Variants in FREM1 observed in about 807,000 individuals in gnomAD.
FREM1 encodes FRAS1-related extracellular matrix protein 1.
FREM1 carries 220 observed loss-of-function variants against 210.1 expected under a neutral mutation model. The ratio of observed to expected loss-of-function variants is 1.05; its 90% confidence interval spans 0.94 to 1.17. FREM1 has a LOEUF of 1.17. FREM1 is among the 50% of genes most tolerant of loss of function. The probability of loss-of-function intolerance (pLI) is 0.00; values close to 1 mark genes in which losing one functional copy is unlikely to be tolerated. For synonymous variants in FREM1, 1,189 were observed against 980.2 expected (o/e 1.21, Z -3.98); for missense variants, 3,454 against 2,675.5 (o/e 1.29, Z -6.42).
Position 14,746,951 on chromosome 9 carries a change from G to T in FREM1, c.6110C>A (p.Ala2037Asp). ...GGTTTGGGGACTCCAGGCTTTCCAG[G>T]CGATCCCATTGCACTGATACAGCTT... ...IQKLYQCNGIAWKAWSPQTKD... is the reference protein window; with the variant it reads ...IQKLYQCNGIDWKAWSPQTKD... The change falls in exon 34 of 37, where the codon GCC becomes GAC. Residue 2037 changes from alanine to aspartate, a missense_variant. By Grantham distance (126) the Ala-to-Asp change is moderately radical (BLOSUM62 -2). Coordinates refer to ENST00000380880, the MANE Select transcript of FREM1 (RefSeq NM_001379081.2). 1 of 1,613,246 alleles carries T rather than the reference G, an allele frequency of 6.2e-7. No homozygotes were observed. The highest frequency in any genetic ancestry group is 8.5e-7 in the Non-Finnish European group (1 of 1,179,706).
chr9:14,891,529 C>G (rs1255561215), intron 1 of FREM1, among the ~76,000 whole-genome samples: 1 of 152,118 alleles, frequency 6.6e-6, no homozygotes, highest in African/African-American at 2.4e-5. Context: ...GAGCTCAAGG[C>G]CAGTCTGGGC....
chr9:14,798,142 T>C (rs1156377842), intron 20 of FREM1, among the ~76,000 whole-genome samples: 1 of 152,180 alleles, frequency 6.6e-6, no homozygotes, highest in Non-Finnish European at 1.5e-5. Flanking sequence ...GCCTAACATT[T>C]CACATTTTCA....
intron 9 of FREM1, 86 bp from the exon 10 acceptor site, chr9:14,841,675 C>G (rs559194271): frequency 9.4e-7 from 1 of 1,064,530 alleles, no homozygotes; most frequent in South Asian, 2.4e-5. Flanking sequence ...CTTCAAAAGT[C>G]TTATCTGTCT....
Position 14,857,552 on chromosome 9 carries a change from C to T in FREM1, c.828+1G>A, listed in dbSNP as rs745459062. 1.9e-6 allele frequency: 3 copies of T among 1,612,242 alleles called. No individual in the cohort carries two copies. The highest frequency in any genetic ancestry group is 2.5e-6 in the Non-Finnish European group (3 of 1,179,068). On this transcript the variant is annotated splice_donor_variant, in intron 5 of 36. Coordinates refer to ENST00000380880, the MANE Select transcript of FREM1 (RefSeq NM_001379081.2). LOFTEE classifies it high-confidence loss of function. ...CACCCACACATAACCCCAAACTCTA[C>T]CTTGTACACAATTTTGCTCCTGGTA...
At chr9:14,907,609 G>T (rs1032174848) in intron 1 of FREM1, among the ~76,000 whole-genome samples, 2 of 152,194 alleles carry the variant, frequency 1.3e-5, no homozygotes, top group Non-Finnish European at 2.9e-5. Flanking sequence ...GGAGTTACGG[G>T]ATCCCATTGT....
intron 7 of FREM1, among the ~76,000 whole-genome samples, chr9:14,847,509 G>A (rs559747011): frequency 1.3e-5 from 2 of 151,928 alleles, no homozygotes; most frequent in Admixed American, 6.6e-5. Context: ...CTCTGTGACT[G>A]GCAATAAGGG....
chr9:14,784,932 G>A (rs563122144), intron 23 of FREM1, among the ~76,000 whole-genome samples: 3 of 152,322 alleles, frequency 2.0e-5, no homozygotes, highest in African/African-American at 4.8e-5. Flanking sequence ...TGGCAAGGAT[G>A]TAGAAGCCTG....
At chr9:14,793,452 C>G (rs1192462182) in intron 21 of FREM1, among the ~76,000 whole-genome samples, 1 of 152,202 alleles carries the variant, frequency 6.6e-6, no homozygotes, top group Non-Finnish European at 1.5e-5. Flanking sequence ...CCCAGTGTTA[C>G]AGATGCCAGG....
At chr9:14,740,366 T>A in intron 35 of FREM1, 132 bp from the exon 36 acceptor site, 1 of 643,898 alleles carries the variant, frequency 1.6e-6, no homozygotes, top group South Asian at 1.9e-5. Flanking sequence ...TTTCTAAGAT[T>A]TTAATAGTGC....
rs201681293 is a variant in FREM1, at chr9:14,797,614, G to A, written c.3723C>T (p.Asp1241=). 6 of 1,611,872 alleles carry A rather than the reference G, an allele frequency of 3.7e-6. No individual in the cohort carries two copies. In the Admixed American group the frequency reaches 6.7e-5, roughly 18 times the overall value. The change falls in exon 21 of 37, where the codon GAC becomes GAT. Residue 1241 remains aspartate, a synonymous_variant. Coordinates refer to ENST00000380880, the MANE Select transcript of FREM1 (RefSeq NM_001379081.2). ...TAAAATCATCAGCAAGGCTCTCTGA[G>A]TCATCATGCATGTACGTCAACCTCA... is the stretch of plus-strand genomic sequence containing the variant. ...TGMRLTYMHD[D]SESLADDFTI...
intron 1 of FREM1, among the ~76,000 whole-genome samples, chr9:14,902,949 G>A (rs1197305005): frequency 6.6e-6 from 1 of 152,214 alleles, no homozygotes; most frequent in Admixed American, 6.5e-5. Context: ...ACAGGATTAT[G>A]AATAGGATAT....
At chr9:14,738,323 A>C (rs964558388) in intron 36 of FREM1, among the ~76,000 whole-genome samples, 1 of 152,196 alleles carries the variant, frequency 6.6e-6, no homozygotes, top group African/African-American at 2.4e-5. Flanking sequence ...ACATTCCCCA[A>C]ATCAAATTTG....
chr9:14,746,323 A>G, intron 35 of FREM1, 30 bp downstream of exon 35: 1 of 1,450,478 alleles, frequency 6.9e-7, no homozygotes, highest in Non-Finnish European at 9.6e-7. Flanking sequence ...AAAAGAAAAC[A>G]CCAATCAAAT....
chr9:14,810,555 G>A (rs375948319), intron 16 of FREM1, among the ~76,000 whole-genome samples: 1 of 152,132 alleles, frequency 6.6e-6, no homozygotes, highest in Non-Finnish European at 1.5e-5. Flanking sequence ...GGGCTCAAGC[G>A]ATCCTCCTAC....
intron 28 of FREM1, among the ~76,000 whole-genome samples, chr9:14,758,993 A>C (rs949334999): frequency 1.3e-5 from 2 of 152,146 alleles, no homozygotes; most frequent in Admixed American, 1.3e-4. Flanking sequence ...TCATCAACTG[A>C]GCCCATGGGA....
At chr9:14,853,472 T>A (rs540483076) in intron 5 of FREM1, among the ~76,000 whole-genome samples, 1 of 152,236 alleles carries the variant, frequency 6.6e-6, no homozygotes, top group East Asian at 1.9e-4. Context: ...GAGTGATAGA[T>A]CAATGAATGG....
At chr9:14,876,830 C>T (rs1363715906) in intron 1 of FREM1, among the ~76,000 whole-genome samples, 1 of 152,144 alleles carries the variant, frequency 6.6e-6, no homozygotes, top group Non-Finnish European at 1.5e-5. Flanking sequence ...GGCTGCCTCC[C>T]CTTTAATATG....
chr9:14,806,206 A>C (rs1426560035), intron 18 of FREM1, among the ~76,000 whole-genome samples: 1 of 152,150 alleles, frequency 6.6e-6, no homozygotes, highest in African/African-American at 2.4e-5. Flanking sequence ...CAAAAGCATC[A>C]GCTATAATAG....
At chr9:14,791,437 T>C (rs956087889) in intron 22 of FREM1, among the ~76,000 whole-genome samples, 2 of 152,222 alleles carry the variant, frequency 1.3e-5, no homozygotes, top group African/African-American at 4.8e-5. Context: ...TACGGTGTCA[T>C]GCAGTTCATG....
Sources: gnomAD v4.1 joint callset for allele counts (sites outside exome capture counted in the v4.1 genomes callset) on GRCh38, gnomAD v4.1.1 for gene constraint, MANE v1.5 for transcripts, NCBI Gene and HGNC (gene_info 2026-07-23, HGNC 2026-07-21) for gene names.